Variants in CCDC85A observed in about 807,000 individuals in gnomAD.
The protein encoded by CCDC85A is coiled-coil domain containing 85A.
A neutral mutation model predicts 50.2 loss-of-function variants in CCDC85A; 38 were observed. The ratio of observed to expected loss-of-function variants is 0.76; its 90% confidence interval spans 0.58 to 0.99. The LOEUF is 0.99. Ranked by LOEUF, CCDC85A falls within the 50% of genes least tolerant of loss-of-function variation. CCDC85A has a pLI of 0.00. For synonymous variants in CCDC85A, 366 were observed against 301.4 expected (o/e 1.21, Z -2.22); for missense variants, 820 against 742.0 (o/e 1.11, Z -1.22).
intron 2 of CCDC85A, among the ~76,000 whole-genome samples, chr2:56,199,154 A>G (rs186952356): frequency 4.6e-5 from 7 of 152,348 alleles, no homozygotes; most frequent in Admixed American, 2.0e-4. Flanking sequence ...GTGAAAAGCT[A>G]TGGTGAGTTA....
At chr2:56,298,771 A>C (rs183804166) in intron 2 of CCDC85A, among the ~76,000 whole-genome samples, 1 of 152,308 alleles carries the variant, frequency 6.6e-6, no homozygotes, top group Non-Finnish European at 1.5e-5. Flanking sequence ...TTGGGCTGTT[A>C]ACTAAATAGA....
chr2:56,184,498 C>T lies in CCDC85A; in HGVS notation c.-127C>T. 4 of 1,077,404 alleles carry T rather than the reference C, an allele frequency of 3.7e-6. No homozygotes were observed. Among genetic ancestry groups the T allele is most frequent in the Non-Finnish European group, 4.7e-6 (4 of 843,812 alleles). The allele number at this position is 1,077,404 out of a possible 1,614,324, so 66.7% of individuals were successfully genotyped here. A position where few individuals can be genotyped will look rare whatever the true frequency, so the allele number is the denominator to read the frequency against. The stretch of plus-strand genomic sequence containing the variant: ...ACCCCCGCCGCCCCAACCCAGCGGC[C>T]CCTGGGCGGTGCCGCTGACTCGCCG... On this transcript the variant is annotated 5_prime_UTR_variant, in exon 1 of 6. Coordinates refer to ENST00000407595, the MANE Select transcript of CCDC85A (RefSeq NM_001080433.2).
intron 2 of CCDC85A, among the ~76,000 whole-genome samples, chr2:56,295,339 T>G (rs1671898340): frequency 6.6e-6 from 1 of 152,232 alleles, no homozygotes; most frequent in Non-Finnish European, 1.5e-5. Context: ...GTAGTGGGAC[T>G]TAAATCAAGG....
In CCDC85A at chr2:56,234,565, C is replaced by T. The variant is rs951514268; in HGVS notation, c.1240+41125C>T. 1.5e-4 allele frequency among the ~76,000 whole-genome samples: 23 copies of T among 152,272 alleles called. 2 individuals carry two copies. Among genetic ancestry groups the T allele is most frequent in the Admixed American group, 1.3e-3 (20 of 15,276 alleles). On this transcript the variant is annotated intron_variant, in intron 2 of 5. Coordinates refer to ENST00000407595, the MANE Select transcript of CCDC85A (RefSeq NM_001080433.2). ...TTGTATTTCATTCTTATTCCCATAT[C>T]GATTCATCTTGCAACTCCTCAGTCT... is the stretch of plus-strand genomic sequence containing the variant.
intron 2 of CCDC85A, among the ~76,000 whole-genome samples, chr2:56,274,489 G>A (rs1670839466): frequency 6.6e-6 from 1 of 152,156 alleles, no homozygotes; most frequent in African/African-American, 2.4e-5. Context: ...AGTCTTGAGG[G>A]AGAATTGCTT....
chr2:56,228,595 C>T lies in CCDC85A; in HGVS notation c.1240+35155C>T, dbSNP rs1045843271. 3.9e-5 allele frequency among the ~76,000 whole-genome samples: 6 copies of T among 151,946 alleles called. No individual in the cohort carries two copies. The East Asian group carries it at 1.2e-3, about 30-fold the overall frequency. ...TCCCCCAGGCTGGAGTGCAGTGGCA[C>T]GATCTTGGCTCACTGCAAGCTCTGC... On this transcript the variant is annotated intron_variant, in intron 2 of 5. Transcript: ENST00000407595.
intron 2 of CCDC85A, among the ~76,000 whole-genome samples, chr2:56,246,223 C>T (rs115567890): frequency 0.098 from 14,865 of 152,152 alleles, 903 homozygotes; most frequent in Middle Eastern, 0.13. Context: ...CACGCCCGGC[C>T]CAAGTTATTT....
chr2:56,271,841 A>G (rs556866007), intron 2 of CCDC85A, among the ~76,000 whole-genome samples: 1 of 152,300 alleles, frequency 6.6e-6, no homozygotes, highest in South Asian at 2.1e-4. Flanking sequence ...GGCTAGTCGT[A>G]TCAGTAGCTT....
chr2:56,321,122 G>T (rs1472986850), intron 2 of CCDC85A, among the ~76,000 whole-genome samples: 1 of 152,046 alleles, frequency 6.6e-6, no homozygotes, highest in Non-Finnish European at 1.5e-5. Flanking sequence ...AATAAATTAG[G>T]TATTGATGGG....
At chr2:56,322,883 TG>T (rs1438421704) in intron 2 of CCDC85A, among the ~76,000 whole-genome samples, 1 of 152,112 alleles carries the variant, frequency 6.6e-6, no homozygotes, top group Non-Finnish European at 1.5e-5. Flanking sequence ...AGCATAGACT[TG>T]GAACCAACCC....
chr2:56,263,852 G>A lies in CCDC85A; in HGVS notation c.1240+70412G>A, dbSNP rs116882748. On this transcript the variant is annotated intron_variant, in intron 2 of 5. Transcript: ENST00000407595. The stretch of plus-strand genomic sequence containing the variant: ...ACACTATAACACTGGGTTACCTGGG[G>A]TTTTAGTCCTTGGCCTTCTTCCTTG... Among the ~76,000 whole-genome samples, 77 of 152,250 alleles carry A rather than the reference G, an allele frequency of 5.1e-4. No homozygotes were observed. The East Asian group carries it at 0.014, about 28-fold the overall frequency.
intron 2 of CCDC85A, among the ~76,000 whole-genome samples, chr2:56,313,344 A>G (rs1488514358): frequency 2.0e-5 from 3 of 152,144 alleles, no homozygotes; most frequent in Non-Finnish European, 4.4e-5. Flanking sequence ...AGTATTAACT[A>G]TTTTTTATAG....
intron 2 of CCDC85A, among the ~76,000 whole-genome samples, chr2:56,203,117 A>G (rs1246935888): frequency 1.3e-5 from 2 of 152,234 alleles, no homozygotes; most frequent in African/African-American, 4.8e-5. Context: ...CTTCACTGTT[A>G]CAAAAGCTGA....
chr2:56,186,984 C>G (rs1676076553), intron 1 of CCDC85A, among the ~76,000 whole-genome samples: 1 of 152,160 alleles, frequency 6.6e-6, no homozygotes, highest in Non-Finnish European at 1.5e-5. Flanking sequence ...CATGTCATCC[C>G]TGGGCTGCTG....
chr2:56,327,154 A>G (rs997209910), intron 2 of CCDC85A, among the ~76,000 whole-genome samples: 4 of 152,206 alleles, frequency 2.6e-5, no homozygotes, highest in Admixed American at 1.3e-4. Context: ...AACGTAATAT[A>G]CATATGCCTT....
At chr2:56,367,686 T>C (rs1470685367) in intron 3 of CCDC85A, among the ~76,000 whole-genome samples, 1 of 152,184 alleles carries the variant, frequency 6.6e-6, no homozygotes, top group Non-Finnish European at 1.5e-5. Flanking sequence ...AAATGTTTTC[T>C]CTTGGGGGCC....
intron 2 of CCDC85A, among the ~76,000 whole-genome samples, chr2:56,331,323 G>A (rs1217982108): frequency 2.0e-5 from 3 of 152,088 alleles, no homozygotes; most frequent in African/African-American, 7.2e-5. Flanking sequence ...TGGGTTGATA[G>A]GTGCAGCAAA....
intron 3 of CCDC85A, among the ~76,000 whole-genome samples, chr2:56,347,737 T>C (rs1380159421): frequency 6.6e-6 from 1 of 152,198 alleles, no homozygotes; most frequent in Admixed American, 6.5e-5. Context: ...TAGGGGGAAC[T>C]GATAGTTACA....
At position 56,375,898 on chromosome 2, in the gene CCDC85A, C is replaced by A. The variant is rs1197504786; in HGVS notation, c.1535C>A (p.Pro512His). 1 of 1,613,812 alleles carries A rather than the reference C, an allele frequency of 6.2e-7. No individual in the cohort carries two copies. The highest frequency in any genetic ancestry group is 1.7e-5 in the Admixed American group (1 of 59,992). The change falls in exon 5 of 6, where the codon CCT becomes CAT. Residue 512 changes from proline to histidine, a missense_variant. Physicochemically the swap from Pro to His is moderately conservative, Grantham distance 77 (BLOSUM62 -2). Transcript: ENST00000407595. ...GCTAGCTTCAGTGGACATGCCACAC[C>A]TTCCCAGCAGCCTGAACCTGTGGTA... ...SAASFSGHAT[P>H]SQQPEPVVHS...
Sources: gnomAD v4.1 joint callset for allele counts (sites outside exome capture counted in the v4.1 genomes callset) on GRCh38, gnomAD v4.1.1 for gene constraint, MANE v1.5 for transcripts, NCBI Gene and HGNC (gene_info 2026-07-23, HGNC 2026-07-21) for gene names.